KLHDC4: variants seen among roughly 807,000 people sequenced by gnomAD.
KLHDC4 encodes kelch domain containing 4.
Under a neutral mutation model 62.4 loss-of-function variants are expected in KLHDC4, and 90 were observed. The ratio of observed to expected loss-of-function variants is 1.44; its 90% confidence interval spans 1.22 to 1.72. The LOEUF is 1.72. Among genes scored for constraint, KLHDC4 ranks in the 40% most tolerant of loss-of-function variants. The pLI, the probability that KLHDC4 is intolerant of heterozygous loss-of-function variation, is 0.00. For synonymous variants in KLHDC4, 386 were observed against 284.4 expected, an observed-to-expected ratio of 1.36 and a Z score of -3.59; for missense variants, 1,025 against 699.7, an observed-to-expected ratio of 1.47 and a Z score of -5.25.
At chr16:87,743,564 C>A (rs7206459) in intron 5 of KLHDC4, among the ~76,000 whole-genome samples, 1 of 151,858 alleles carries the variant, frequency 6.6e-6, no homozygotes. Context: ...CACAGTGAAA[C>A]CCCGTCTCTA....
At chr16:87,704,900 TCA>T (rs1301404802), downstream of KLHDC4, among the ~76,000 whole-genome samples, 3 of 152,104 alleles carry the variant, frequency 2.0e-5, no homozygotes, top group Non-Finnish European at 1.5e-5. Context: ...CAATTCATCC[TCA>T]CACAGAGCAT....
At chr16:87,716,476 C>G (rs1453809256) in intron 7 of KLHDC4, among the ~76,000 whole-genome samples, 1 of 152,182 alleles carries the variant, frequency 6.6e-6, no homozygotes, top group Non-Finnish European at 1.5e-5. Context: ...ACTCTTGGGT[C>G]CCTGTGACTT....
intron 5 of KLHDC4, among the ~76,000 whole-genome samples, chr16:87,737,651 G>A (rs1367115718): frequency 1.3e-5 from 2 of 148,510 alleles, no homozygotes; most frequent in African/African-American, 5.0e-5. Flanking sequence ...ACAATGGCAC[G>A]ATCTCAGCTC....
chr16:87,733,400 C>T (rs149251892), intron 5 of KLHDC4, among the ~76,000 whole-genome samples: 5 of 152,346 alleles, frequency 3.3e-5, no homozygotes, highest in African/African-American at 7.2e-5. Context: ...ATGTGCAGGG[C>T]GCCCAGGCAC....
intron 5 of KLHDC4, among the ~76,000 whole-genome samples, chr16:87,732,570 A>C (rs543047189): frequency 6.6e-6 from 1 of 152,358 alleles, no homozygotes; most frequent in East Asian, 1.9e-4. Context: ...AATCACACAC[A>C]AATAACACAT....
At chr16:87,761,647 A>G (rs2045911577) in intron 2 of KLHDC4, among the ~76,000 whole-genome samples, 1 of 152,194 alleles carries the variant, frequency 6.6e-6, no homozygotes, top group Admixed American at 6.5e-5. Flanking sequence ...TACCTTAAGA[A>G]CCAAAGAAAA....
chr16:87,731,236 T>C (rs1224695989), intron 5 of KLHDC4, among the ~76,000 whole-genome samples: 1 of 151,684 alleles, frequency 6.6e-6, no homozygotes, highest in Non-Finnish European at 1.5e-5. Flanking sequence ...GCTGATTTTT[T>C]GTATTTCTAG....
intron 7 of KLHDC4, among the ~76,000 whole-genome samples, chr16:87,715,411 G>C (rs145301047): frequency 2.0e-5 from 3 of 152,138 alleles, no homozygotes; most frequent in Non-Finnish European, 4.4e-5. Context: ...AACCGGCACT[G>C]ACCCGTTACC....
intron 4 of KLHDC4, chr16:87,751,081 T>A (rs1247996460): frequency 6.6e-6 from 1 of 152,234 alleles, no homozygotes; most frequent in East Asian, 1.9e-4. Flanking sequence ...GGAAGACTAT[T>A]CAATGCCACA....
chr16:87,735,642 G>A (rs1350339109), intron 5 of KLHDC4, among the ~76,000 whole-genome samples: 2 of 152,198 alleles, frequency 1.3e-5, no homozygotes, highest in Non-Finnish European at 2.9e-5. Flanking sequence ...TCCCTCTTTA[G>A]AAAAATAAAG....
At chr16:87,758,031 A>G (rs961774697) in intron 2 of KLHDC4, among the ~76,000 whole-genome samples, 2 of 152,226 alleles carry the variant, frequency 1.3e-5, no homozygotes, top group African/African-American at 4.8e-5. Flanking sequence ...GGCGTGCTCC[A>G]TAATGCCAAC....
Position 87,726,832 on chromosome 16 carries a change from C to A in KLHDC4, c.692G>T (p.Arg231Ile), listed in dbSNP as rs1312126183. The A allele has an allele frequency of 6.2e-7, 1 of 1,612,046 alleles. No individual in the cohort carries two copies. The highest frequency in any genetic ancestry group is 1.1e-5 in the South Asian group (1 of 90,924). ...LSPSGTGPTPRSGCQMSVTPQ... is the reference protein window; with the variant it reads ...LSPSGTGPTPISGCQMSVTPQ... ...AGTGACGGACATCTGGCAGCCTGAT[C>A]TGGGTGTGGGCCCCGTCCCTGACGG... is the stretch of plus-strand genomic sequence containing the variant. Residue 231 changes from arginine (R) to isoleucine (I), a missense_variant, in exon 7 of 12, where the codon AGA becomes ATA. Transcript: ENST00000270583.
chr16:87,711,597 C>G (rs888274262), intron 8 of KLHDC4, among the ~76,000 whole-genome samples, 154 bp from the exon 9 acceptor site: 3 of 152,220 alleles, frequency 2.0e-5, no homozygotes, highest in African/African-American at 7.2e-5. Flanking sequence ...TGCAGAAAAA[C>G]AGACACCATT....
intron 7 of KLHDC4, among the ~76,000 whole-genome samples, chr16:87,721,621 G>A (rs746146788): frequency 1.3e-5 from 2 of 152,094 alleles, no homozygotes; most frequent in African/African-American, 2.4e-5. Context: ...AGGTCAGCCG[G>A]GATCTCCCAA....
chr16:87,713,254 C>T (rs55683697), intron 8 of KLHDC4, among the ~76,000 whole-genome samples: 17,250 of 151,804 alleles, frequency 0.11, 1,083 homozygotes, highest in African/African-American at 0.16. Context: ...GGCTGGAGTG[C>T]GGTGGTGCAA....
At chr16:87,732,726 C>CA (rs1567736279) in intron 5 of KLHDC4, among the ~76,000 whole-genome samples, 3 of 152,136 alleles carry the variant, frequency 2.0e-5, no homozygotes, top group African/African-American at 7.3e-5. Flanking sequence ...AAAAACAGCA[C>CA]GTGAAAAGGC....
chr16:87,721,942 G>A (rs1339800946), intron 7 of KLHDC4, among the ~76,000 whole-genome samples: 2 of 152,074 alleles, frequency 1.3e-5, no homozygotes, highest in African/African-American at 2.4e-5. Context: ...TTCCACCGTC[G>A]CGCCCCCACC....
At chr16:87,701,245 G>A (rs2034130624) in exon 1 of KLHDC4, 1 of 228,520 alleles carries the variant, frequency 4.4e-6, no homozygotes, top group Admixed American at 5.1e-5. Context: ...GCTGGCACCT[G>A]GCGCTGGCTG....
At chr16:87,760,214 G>A (rs1381468139) in intron 2 of KLHDC4, among the ~76,000 whole-genome samples, 1 of 146,480 alleles carries the variant, frequency 6.8e-6, no homozygotes, top group African/African-American at 2.5e-5. Context: ...ATTACTTATG[G>A]AAAAATTCTA....
Sources: gnomAD v4.1 joint callset for allele counts (sites outside exome capture counted in the v4.1 genomes callset) on GRCh38, gnomAD v4.1.1 for gene constraint, MANE v1.5 for transcripts, NCBI Gene and HGNC (gene_info 2026-07-23, HGNC 2026-07-21) for gene names.